The following P4HB variants were observed in gnomAD, a reference collection of about 807,000 sequenced individuals.
P4HB encodes protein disulfide-isomerase.
P4HB carries 20 observed loss-of-function variants against 52.6 expected under a neutral mutation model. The ratio of observed to expected loss-of-function variants is 0.38; its 90% CI spans 0.27 to 0.55. P4HB has a LOEUF of 0.55. P4HB is among the 20% of genes least tolerant of loss of function. P4HB has a pLI of 0.74. For missense variants in P4HB, 601 were observed against 669.2 expected (o/e 0.90, Z 1.12); for synonymous variants, 296 against 277.9 (o/e 1.07, Z -0.65).
At position 81,846,826 on chromosome 17, in the gene P4HB, T is replaced by A; in HGVS notation, c.855+121A>T. Reference sequence around the variant, plus strand: ...CCCCTCGCCTACATCCAGGCTGTCCTGAATCAGGTGCCCGATCCAGTCCAG... The same window carrying A: ...CCCCTCGCCTACATCCAGGCTGTCCAGAATCAGGTGCCCGATCCAGTCCAG... On this transcript the variant is annotated intron_variant, in intron 6 of 10. Transcript: ENST00000331483. The surrounding 1 kb of genome is among the most constrained non-coding windows in gnomAD (Gnocchi z 5.7). The A allele has an allele frequency of 1.5e-6, 2 of 1,361,146 alleles. No individual in the cohort carries two copies. Among genetic ancestry groups the A allele is most frequent in the Non-Finnish European group, 2.1e-6 (2 of 975,074 alleles). 84.3% of individuals were successfully genotyped at this position (1,361,146 alleles called of 1,614,324 possible). A position where few individuals can be genotyped will look rare whatever the true frequency, so the allele number is the denominator to read the frequency against.
chr17:81,844,587 C>A (rs1478607371), intron 10 of P4HB, among the ~76,000 whole-genome samples: 1 of 152,294 alleles, frequency 6.6e-6, no homozygotes, highest in South Asian at 2.1e-4. Flanking sequence ...GTATTCCCAC[C>A]TCCCACTGTG....
Position 81,845,968 on chromosome 17 carries a change from C to G in P4HB, c.1080G>C (p.Leu360=). 6.2e-7 allele frequency: 1 copy of G among 1,611,360 alleles called. No homozygotes were observed. The highest frequency in any genetic ancestry group is 8.5e-7 in the Non-Finnish European group (1 of 1,178,480). The change falls in exon 8 of 11, where the codon CTG becomes CTC. Residue 360 remains leucine (L), a synonymous_variant. Transcript: ENST00000331483. ...CAGGCTGCTTGTCCCAGTCCTCCGG[C>G]AGCTCCTGGCTCATCAGGTGGGGCT... ...KIKPHLMSQE[L]PEDWDKQPVK...
chr17:81,852,769 C>T (rs2038852198), intron 4 of P4HB, among the ~76,000 whole-genome samples: 1 of 152,270 alleles, frequency 6.6e-6, no homozygotes, highest in Admixed American at 6.5e-5. Flanking sequence ...CCCTCCCAGC[C>T]TTCGCGGACA....
At position 81,843,292 on chromosome 17, in the gene P4HB, G is replaced by A. The variant is rs1015844869; in HGVS notation, c.*720C>T. 2.8e-5 allele frequency: 11 copies of A among 393,394 alleles called. No homozygotes were observed. The highest frequency in any genetic ancestry group is 2.2e-4 in the Admixed American group (5 of 22,566). The allele number at this position is 393,394 out of a possible 1,614,324, so 24.4% of individuals were successfully genotyped here. A position where few individuals can be genotyped will look rare whatever the true frequency, so the allele number is the denominator to read the frequency against. ...CCTCCCCACCCGGGAGTCAAGGGTCGTGGTTCTGCCTTGAACAGGCCACAG... is the reference window on the plus strand; with the variant it reads ...CCTCCCCACCCGGGAGTCAAGGGTCATGGTTCTGCCTTGAACAGGCCACAG... On this transcript the variant is annotated 3_prime_UTR_variant, in exon 11 of 11. Coordinates refer to ENST00000331483, the MANE Select transcript of P4HB (RefSeq NM_000918.4).
chr17:81,850,540 C>G (rs910888334), intron 4 of P4HB, among the ~76,000 whole-genome samples: 1 of 152,046 alleles, frequency 6.6e-6, no homozygotes, highest in African/African-American at 2.4e-5. Context: ...TGCAATGGCA[C>G]GATCTCGATC....
chr17:81,860,210 C>A, intron 1 of P4HB, 117 bp downstream of exon 1: 1 of 867,922 alleles, frequency 1.2e-6, no homozygotes, highest in Non-Finnish European at 1.6e-6. Flanking sequence ...CAAGGGAGCC[C>A]TTCAGTTCCG....
At chr17:81,850,912 G>A (rs1303028802) in intron 4 of P4HB, among the ~76,000 whole-genome samples, 1 of 151,788 alleles carries the variant, frequency 6.6e-6, no homozygotes, top group Non-Finnish European at 1.5e-5. Context: ...ACAGGTGTGA[G>A]CCACCAAGCC....
intron 4 of P4HB, among the ~76,000 whole-genome samples, chr17:81,849,518 T>G (rs1365986471): frequency 6.6e-6 from 1 of 151,858 alleles, no homozygotes. Flanking sequence ...TAAAAATAAA[T>G]AGAGAGAAAA....
Position 81,855,341 on chromosome 17 carries a change from C to A in P4HB, c.487-62G>T. On this transcript the variant is annotated intron_variant, in intron 3 of 10. Transcript: ENST00000331483. This position sits in a 1 kb window ranked among gnomAD's most constrained non-coding sequence, Gnocchi z 4.3. ...CCGCAGCACCAAGCAGTAGGGCAGACCCTGTAGAGCCCAGGCCAGGGGGGA... is the reference window on the plus strand; with the variant it reads ...CCGCAGCACCAAGCAGTAGGGCAGAACCTGTAGAGCCCAGGCCAGGGGGGA... The A allele has an allele frequency of 1.2e-6, 2 of 1,607,492 alleles. No individual in the cohort carries two copies. Among genetic ancestry groups the A allele is most frequent in the African/African-American group, 2.7e-5 (2 of 74,918 alleles).
At chr17:81,859,634 C>G (rs2038966278) in intron 1 of P4HB, 1 of 540,498 alleles carries the variant, frequency 1.9e-6, no homozygotes. Flanking sequence ...ATGTCACCAT[C>G]AGCACAGCCA....
intron 4 of P4HB, among the ~76,000 whole-genome samples, chr17:81,849,410 C>T (rs1313353585): frequency 2.0e-5 from 3 of 152,054 alleles, no homozygotes; most frequent in Admixed American, 6.6e-5. Context: ...GCAGGAGAAT[C>T]GCTTGAACCC....
chr17:81,854,599 C>A (rs1271699242), intron 4 of P4HB, among the ~76,000 whole-genome samples: 4 of 151,412 alleles, frequency 2.6e-5, no homozygotes, highest in African/African-American at 7.3e-5. Context: ...GTAATCCCAG[C>A]ACTTTGGGAG....
At chr17:81,847,159 G>C in intron 5 of P4HB, 84 bp downstream of exon 5, 1 of 1,598,672 alleles carries the variant, frequency 6.3e-7, no homozygotes, top group Non-Finnish European at 8.6e-7. Flanking sequence ...TCAGACGCTG[G>C]ACAGCAGTGG....
chr17:81,859,523 A>C, intron 1 of P4HB, 136 bp from the exon 2 acceptor site: 5 of 734,776 alleles, frequency 6.8e-6, no homozygotes, highest in South Asian at 1.7e-5. Flanking sequence ...ACCCCTCCTA[A>C]CGCACAAGGC....
chr17:81,843,879 C>T lies in P4HB; in HGVS notation c.*133G>A. The T allele has an allele frequency of 1.4e-6, 1 of 727,280 alleles. No individual in the cohort carries two copies. Among genetic ancestry groups the T allele is most frequent in the Non-Finnish European group, 2.5e-6 (1 of 399,756 alleles). The allele number at this position is 727,280 out of a possible 1,614,324, so 45.1% of individuals were successfully genotyped here. A position where few individuals can be genotyped will look rare whatever the true frequency, so the allele number is the denominator to read the frequency against. On this transcript the variant is annotated 3_prime_UTR_variant, in exon 11 of 11. Coordinates refer to ENST00000331483, the MANE Select transcript of P4HB (RefSeq NM_000918.4). The stretch of plus-strand genomic sequence containing the variant: ...CGGACGGTGTGTAGGGGTGAGGTGT[C>T]ACTTCAGAGAGGTTCCCTGGGTTTC...
At chr17:81,844,177 C>G in intron 10 of P4HB, 85 bp from the exon 11 acceptor site, 3 of 970,798 alleles carry the variant, frequency 3.1e-6, no homozygotes, top group Non-Finnish European at 5.0e-6. Context: ...ACTGCTCACA[C>G]CGGGGACTAG....
chr17:81,853,491 G>A (rs370605896), intron 4 of P4HB, among the ~76,000 whole-genome samples: 6 of 146,094 alleles, frequency 4.1e-5, no homozygotes, highest in South Asian at 2.1e-4. Flanking sequence ...GGAGAATGGC[G>A]TGAACCCGTG....
intron 1 of P4HB, 64 bp downstream of exon 1, chr17:81,860,263 C>T: frequency 7.8e-7 from 1 of 1,282,090 alleles, no homozygotes; most frequent in South Asian, 2.1e-5. Context: ...CGGGCCGTGC[C>T]TGCGTCCCAA....
chr17:81,843,524 C>A lies in P4HB; in HGVS notation c.*488G>T, dbSNP rs540567085. On this transcript the variant is annotated 3_prime_UTR_variant, in exon 11 of 11. Transcript: ENST00000331483. ...AGAGCCATGATCAGTCATGGCGACA[C>A]TGCAGGCGGTACTGAGTGACCATGT... The A allele has an allele frequency of 2.4e-6, 1 of 409,256 alleles. No individual in the cohort carries two copies. Among genetic ancestry groups the A allele is most frequent in the Non-Finnish European group, 4.3e-6 (1 of 232,504 alleles). The allele number at this position is 409,256 out of a possible 1,614,324, so 25.4% of individuals were successfully genotyped here. A position where few individuals can be genotyped will look rare whatever the true frequency, so the allele number is the denominator to read the frequency against.
Sources: gnomAD v4.1 joint callset for allele counts (sites outside exome capture counted in the v4.1 genomes callset) on GRCh38, gnomAD v4.1.1 for gene constraint, Gnocchi (gnomAD v3.1) non-coding constraint, MANE v1.5 for transcripts, NCBI Gene and HGNC (gene_info 2026-07-23, HGNC 2026-07-21) for gene names.